HS3ST5: variants seen among roughly 807,000 people sequenced by gnomAD.
HS3ST5 encodes heparan sulfate-glucosamine 3-sulfotransferase 5, also known as heparan sulfate glucosamine 3-O-sulfotransferase 5.
HS3ST5 carries 10 observed loss-of-function variants against 25.4 expected under a neutral mutation model. The ratio of observed to expected loss-of-function variants is 0.39; its 90% CI spans 0.24 to 0.67. HS3ST5 has a LOEUF of 0.67. HS3ST5 is among the 30% of genes least tolerant of loss of function. The pLI, the probability that HS3ST5 is intolerant of heterozygous loss-of-function variation, is 0.44. For synonymous variants in HS3ST5, 170 were observed against 162.4 expected (o/e 1.05, Z -0.36); for missense variants, 324 against 420.7 (o/e 0.77, Z 2.01).
chr6:114,119,236 G>A (rs926764733), intron 3 of HS3ST5, among the ~76,000 whole-genome samples: 3 of 152,198 alleles, frequency 2.0e-5, no homozygotes, highest in African/African-American at 2.4e-5. Context: ...TTTCATAGGG[G>A]TGAGTCAGCC....
At chr6:114,313,696 G>A (rs1285783989) in intron 1 of HS3ST5, among the ~76,000 whole-genome samples, 1 of 152,124 alleles carries the variant, frequency 6.6e-6, no homozygotes, top group African/African-American at 2.4e-5. Flanking sequence ...TTTCTGGAGA[G>A]ATGGAAAAAA....
At chr6:114,319,099 A>G (rs1775862042) in intron 1 of HS3ST5, among the ~76,000 whole-genome samples, 1 of 152,160 alleles carries the variant, frequency 6.6e-6, no homozygotes, top group Non-Finnish European at 1.5e-5. Flanking sequence ...TATGCATCCA[A>G]TTTTTATTTA....
In HS3ST5 at chr6:114,055,676, A is replaced by C. The variant is rs1290740397; in HGVS notation, c.*1581T>G. ...TAAACAACTCATGGAGAAAATCAAC[A>C]CTTATTACAATCAAAGGGGAATCCA... On this transcript the variant is annotated 3_prime_UTR_variant, in exon 5 of 5. Transcript: ENST00000312719. 6.6e-6 allele frequency: 1 copy of C among 152,156 alleles called. No homozygotes were observed. The highest frequency in any genetic ancestry group is 1.5e-5 in the Non-Finnish European group (1 of 68,022). The allele number at this position is 152,156 out of a possible 1,614,324, so 9.4% of individuals were successfully genotyped here.
intron 1 of HS3ST5, among the ~76,000 whole-genome samples, chr6:114,279,328 T>C (rs1303293896): frequency 2.0e-5 from 3 of 152,014 alleles, no homozygotes; most frequent in Non-Finnish European, 2.9e-5. Context: ...GTTCTTAATA[T>C]AGTACAAGAG....
intron 3 of HS3ST5, among the ~76,000 whole-genome samples, chr6:114,081,251 C>G (rs557676007): frequency 3.3e-5 from 5 of 151,982 alleles, no homozygotes; most frequent in African/African-American, 1.2e-4. Context: ...GTTTAAAATA[C>G]TGAGGGAATT....
intron 3 of HS3ST5, among the ~76,000 whole-genome samples, chr6:114,118,334 G>A (rs1032259748): frequency 6.6e-6 from 1 of 152,182 alleles, no homozygotes; most frequent in Admixed American, 6.5e-5. Context: ...TCTATATATA[G>A]TCAGGCAGGT....
intron 3 of HS3ST5, among the ~76,000 whole-genome samples, chr6:114,078,379 G>A (rs1187873824): frequency 6.6e-6 from 1 of 151,738 alleles, no homozygotes; most frequent in Non-Finnish European, 1.5e-5. Flanking sequence ...GCTAATTTTG[G>A]TATTTTTTTT....
chr6:114,152,678 G>A (rs891287785), intron 3 of HS3ST5, among the ~76,000 whole-genome samples: 1 of 152,154 alleles, frequency 6.6e-6, no homozygotes, highest in South Asian at 2.1e-4. Context: ...AGTTAGAGGG[G>A]CCAGCGCTGG....
intron 1 of HS3ST5, among the ~76,000 whole-genome samples, chr6:114,326,389 C>CAAACAAAACA (rs57982006): frequency 6.6e-6 from 1 of 151,756 alleles, no homozygotes; most frequent in African/African-American, 2.4e-5. Context: ...GACTCTGTCT[C>CAAACAAAACA]AAACAAAACA....
chr6:114,128,627 G>A (rs529613400), intron 3 of HS3ST5, among the ~76,000 whole-genome samples: 67 of 152,262 alleles, frequency 4.4e-4, no homozygotes, highest in Non-Finnish European at 5.9e-5. Context: ...ATTTAAAAAA[G>A]TAAAACAAAT....
intron 1 of HS3ST5, among the ~76,000 whole-genome samples, chr6:114,239,880 G>A (rs756686015): frequency 2.0e-5 from 3 of 152,106 alleles, no homozygotes; most frequent in Admixed American, 6.6e-5. Context: ...CAACAAAAAC[G>A]TATAGCATAA....
At chr6:114,280,701 C>T (rs1393433179) in intron 1 of HS3ST5, among the ~76,000 whole-genome samples, 1 of 152,010 alleles carries the variant, frequency 6.6e-6, no homozygotes, top group Non-Finnish European at 1.5e-5. Flanking sequence ...GAGACTTCAT[C>T]TCTTCTCCTT....
intron 1 of HS3ST5, among the ~76,000 whole-genome samples, chr6:114,281,641 A>C (rs1230448335): frequency 6.6e-6 from 1 of 151,990 alleles, no homozygotes; most frequent in Non-Finnish European, 1.5e-5. Flanking sequence ...CAAGAAGAAA[A>C]AGAGGAAGTA....
At position 114,111,911 on chromosome 6, in the gene HS3ST5, C is replaced by G. The variant is rs144875989; in HGVS notation, c.-32-49034G>C. ...CATCCAGTTCACTGATTCCAGTACT[C>G]CACTCCAGAAATTTTCTGACCTCCT... is the stretch of plus-strand genomic sequence containing the variant. On this transcript the variant is annotated intron_variant, in intron 3 of 4. Coordinates refer to ENST00000312719, the MANE Select transcript of HS3ST5 (RefSeq NM_153612.4). Among the ~76,000 whole-genome samples, 1,434 of 152,236 alleles carry G rather than the reference C, an allele frequency of 9.4e-3. 9 individuals are homozygous for G. Among genetic ancestry groups the G allele is most frequent in the Non-Finnish European group, 0.011 (728 of 68,018 alleles).
At chr6:114,237,746 T>C (rs1253632304) in intron 1 of HS3ST5, among the ~76,000 whole-genome samples, 1 of 152,218 alleles carries the variant, frequency 6.6e-6, no homozygotes, top group African/African-American at 2.4e-5. Flanking sequence ...GCAAAGTTTG[T>C]TCATTAATCT....
chr6:114,291,220 T>C (rs1020756443), intron 1 of HS3ST5, among the ~76,000 whole-genome samples: 8 of 152,032 alleles, frequency 5.3e-5, no homozygotes, highest in Non-Finnish European at 7.4e-5. Flanking sequence ...AATCTTTTCT[T>C]TGGAGCAAGC....
At chr6:114,185,815 C>T (rs764137509) in intron 2 of HS3ST5, among the ~76,000 whole-genome samples, 7 of 151,076 alleles carry the variant, frequency 4.6e-5, no homozygotes, top group Non-Finnish European at 8.8e-5. Context: ...TCCCAGCTCA[C>T]GCAGCCTCAA....
At chr6:114,204,947 C>T (rs1227201434) in intron 2 of HS3ST5, among the ~76,000 whole-genome samples, 2 of 152,100 alleles carry the variant, frequency 1.3e-5, no homozygotes, top group Non-Finnish European at 2.9e-5. Context: ...AACATGAATA[C>T]ATGGTAATCA....
chr6:114,185,189 A>G (rs371211121), intron 2 of HS3ST5, among the ~76,000 whole-genome samples: 128 of 152,304 alleles, frequency 8.4e-4, no homozygotes, highest in African/African-American at 3.0e-3. Context: ...AAAAGGGTAG[A>G]ATGTCATGGA....
Sources: gnomAD v4.1 joint callset for allele counts (sites outside exome capture counted in the v4.1 genomes callset) on GRCh38, gnomAD v4.1.1 for gene constraint, MANE v1.5 for transcripts, NCBI Gene and HGNC (gene_info 2026-07-23, HGNC 2026-07-21) for gene names.